Variants in RYR2 observed in about 807,000 individuals in gnomAD.
The protein encoded by RYR2 is cardiac muscle ryanodine receptor-calcium release channel.
Under a neutral mutation model 601.1 loss-of-function variants are expected in RYR2, and 227 were observed. The ratio of observed to expected loss-of-function variants is 0.38; its 90% confidence interval spans 0.34 to 0.42. The LOEUF is 0.42. Ranked by LOEUF, RYR2 falls within the 10% of genes least tolerant of loss-of-function variation. RYR2 has a pLI of 1.00. For synonymous variants in RYR2, 2,223 were observed against 2,175.1 expected (o/e 1.02, Z -0.61); for missense variants, 4,646 against 6,156.5 (o/e 0.75, Z 8.21).
chr1:237,445,022 T>C (rs920933851), intron 13 of RYR2, among the ~76,000 whole-genome samples: 3 of 152,142 alleles, frequency 2.0e-5, no homozygotes, highest in Non-Finnish European at 4.4e-5. Context: ...TTTGTTTTAC[T>C]CGACTCATTG....
rs538077657 is a variant in RYR2 at position 237,413,601 on chromosome 1, C to T, written c.774-3448C>T. Among the ~76,000 whole-genome samples, 19 of 152,090 alleles carry T rather than the reference C, an allele frequency of 1.2e-4. No individual in the cohort carries two copies. The East Asian group carries it at 1.5e-3, about 12-fold the overall frequency. On this transcript the variant is annotated intron_variant, in intron 10 of 104. Coordinates refer to ENST00000366574, the MANE Select transcript of RYR2 (RefSeq NM_001035.3). ...TTACCTTATGTAATTGTTCCTCTAA[C>T]GTAATTAATGCTAATAGTTTGATGT...
intron 2 of RYR2, among the ~76,000 whole-genome samples, chr1:237,330,461 A>G (rs1339090754): frequency 6.6e-6 from 1 of 152,146 alleles, no homozygotes; most frequent in African/African-American, 2.4e-5. Context: ...GATCTTGGCT[A>G]ACTGCAACCT....
At chr1:237,390,296 G>A (rs1408524180) in intron 10 of RYR2, among the ~76,000 whole-genome samples, 1 of 152,096 alleles carries the variant, frequency 6.6e-6, no homozygotes, top group Non-Finnish European at 1.5e-5. Context: ...TAAGGTAATG[G>A]ACTCTAGAAC....
chr1:237,634,803 A>G, intron 43 of RYR2, 86 bp from the exon 44 acceptor site: 3 of 977,166 alleles, frequency 3.1e-6, no homozygotes, highest in Non-Finnish European at 4.7e-6. Flanking sequence ...TTTAGAAATT[A>G]AATTTTAAGA....
intron 54 of RYR2, among the ~76,000 whole-genome samples, 158 bp downstream of exon 54, chr1:237,658,180 T>C (rs1683433445): frequency 6.6e-6 from 1 of 152,122 alleles, no homozygotes; most frequent in Non-Finnish European, 1.5e-5. Context: ...TAATATAATA[T>C]TTAGCTAGCT....
In RYR2 at chr1:237,335,969, G is replaced by T. The variant is rs146301797; in HGVS notation, c.273+4987G>T. ...TAAATAAATCCAATTCTAATCATTTGGTGCTTTTTCAACATTTATAAGGTA... is the reference window on the plus strand; with the variant it reads ...TAAATAAATCCAATTCTAATCATTTTGTGCTTTTTCAACATTTATAAGGTA... On this transcript the variant is annotated intron_variant, in intron 3 of 104. Coordinates refer to ENST00000366574, the MANE Select transcript of RYR2 (RefSeq NM_001035.3). Among the ~76,000 whole-genome samples the T allele has an allele frequency of 7.8e-3, 1,186 of 152,094 alleles. 19 individuals are homozygous for T. Among genetic ancestry groups the T allele is most frequent in the African/African-American group, 0.027 (1,123 of 41,480 alleles).
chr1:237,260,251 G>A (rs539163918), intron 1 of RYR2, among the ~76,000 whole-genome samples: 4 of 152,164 alleles, frequency 2.6e-5, no homozygotes, highest in South Asian at 2.1e-4. Context: ...CTGTAAATAC[G>A]CACCCAGAGG....
chr1:237,207,978 A>G (rs1682003289), intron 1 of RYR2, among the ~76,000 whole-genome samples: 1 of 152,226 alleles, frequency 6.6e-6, no homozygotes, highest in Non-Finnish European at 1.5e-5. Context: ...TGAAAAGAGT[A>G]TAAGGATTCA....
At chr1:237,118,126 C>T (rs913276795) in intron 1 of RYR2, among the ~76,000 whole-genome samples, 1 of 152,116 alleles carries the variant, frequency 6.6e-6, no homozygotes, top group Non-Finnish European at 1.5e-5. Flanking sequence ...TCCTTTCTCC[C>T]ATTTCAAAAG....
intron 91 of RYR2, 73 bp from the exon 92 acceptor site, chr1:237,787,915 G>A (rs951594147): frequency 7.2e-7 from 1 of 1,387,108 alleles, no homozygotes; most frequent in Non-Finnish European, 9.9e-7. Context: ...TGTTCACTTG[G>A]GTAATTTTCC....
intron 1 of RYR2, among the ~76,000 whole-genome samples, chr1:237,185,628 A>G (rs956547661): frequency 6.6e-6 from 1 of 152,148 alleles, no homozygotes; most frequent in African/African-American, 2.4e-5. Flanking sequence ...ACACACACAG[A>G]GGATAAGATT....
chr1:237,444,636 A>G (rs1338549611), intron 13 of RYR2, among the ~76,000 whole-genome samples: 4 of 152,188 alleles, frequency 2.6e-5, no homozygotes, highest in Non-Finnish European at 5.9e-5. Flanking sequence ...GGATAGGGAT[A>G]GGAAGAGAGC....
chr1:237,245,303 T>A (rs1193303672), intron 1 of RYR2, among the ~76,000 whole-genome samples: 1 of 152,190 alleles, frequency 6.6e-6, no homozygotes, highest in Non-Finnish European at 1.5e-5. Context: ...TCTGTTTGAA[T>A]GCCTCTCTTT....
At chr1:237,350,675 G>A (rs542184532) in intron 3 of RYR2, among the ~76,000 whole-genome samples, 16 of 133,878 alleles carry the variant, frequency 1.2e-4, no homozygotes, top group Non-Finnish European at 1.5e-4. Context: ...AAAGTATTGC[G>A]AGAAATCAAG....
intron 49 of RYR2, among the ~76,000 whole-genome samples, chr1:237,649,645 T>C (rs569489569): frequency 1.4e-4 from 22 of 152,348 alleles, no homozygotes; most frequent in East Asian, 1.9e-4. Flanking sequence ...TTTGAGGAGA[T>C]AGGTGTCATT....
chr1:237,126,066 G>A (rs1252479715), intron 1 of RYR2, among the ~76,000 whole-genome samples: 1 of 152,102 alleles, frequency 6.6e-6, no homozygotes, highest in Non-Finnish European at 1.5e-5. Flanking sequence ...GCAAAACCCT[G>A]TCTCTACTAA....
At chr1:237,815,899 C>G (rs1411073222) in intron 100 of RYR2, among the ~76,000 whole-genome samples, 1 of 152,132 alleles carries the variant, frequency 6.6e-6, no homozygotes, top group Non-Finnish European at 1.5e-5. Flanking sequence ...AGACAAACAC[C>G]TCTATGGGAA....
intron 29 of RYR2, among the ~76,000 whole-genome samples, chr1:237,569,904 G>A (rs533214452): frequency 1.3e-5 from 2 of 152,262 alleles, no homozygotes; most frequent in South Asian, 4.1e-4. Context: ...CCCCGAGATG[G>A]CCTTTGAGCA....
chr1:237,208,090 A>G (rs1682016416), intron 1 of RYR2, among the ~76,000 whole-genome samples: 1 of 152,216 alleles, frequency 6.6e-6, no homozygotes, highest in Non-Finnish European at 1.5e-5. Context: ...GTTCATACAC[A>G]AGGGCACGTT....
Sources: allele counts gnomAD v4.1 joint callset (sites outside exome capture counted in the v4.1 genomes callset), GRCh38; gene constraint gnomAD v4.1.1; transcripts MANE v1.5; gene names NCBI Gene and HGNC (gene_info 2026-07-23, HGNC 2026-07-21).